The following SPACA1 variants were observed in gnomAD, a reference collection of about 807,000 sequenced individuals.
SPACA1 encodes the protein sperm acrosome membrane-associated protein 1.
Under a neutral mutation model 32.6 loss-of-function variants are expected in SPACA1, and 17 were observed. The ratio of observed to expected loss-of-function variants is 0.52; its 90% CI spans 0.36 to 0.78. The LOEUF is 0.78. Ranked by LOEUF, SPACA1 falls within the 30% of genes least tolerant of loss-of-function variation. The pLI is 0.01. For missense variants in SPACA1, 363 were observed against 373.4 expected, an observed-to-expected ratio of 0.97 and a Z score of 0.23; for synonymous variants, 140 against 138.1, an observed-to-expected ratio of 1.01 and a Z score of -0.10.
rs1477546444 is a variant in SPACA1 at position 88,047,867 on chromosome 6, C to T, written c.-39C>T. ...ACGTACCTGTCCTCAGGAGCCGCGG[C>T]GGCGACTGCGCCTCGGACGGCCGTC... On this transcript the variant is annotated 5_prime_UTR_variant, in exon 1 of 7. Transcript: ENST00000237201. 2.1e-5 allele frequency: 31 copies of T among 1,490,058 alleles called. No homozygotes were observed. The highest frequency in any genetic ancestry group is 2.7e-5 in the Non-Finnish European group (30 of 1,117,468). The allele number at this position is 1,490,058 out of a possible 1,614,324, so 92.3% of individuals were successfully genotyped here. A position where few individuals can be genotyped will look rare whatever the true frequency, so the allele number is the denominator to read the frequency against.
chr6:88,056,096 C>G (rs1775802783), intron 2 of SPACA1, among the ~76,000 whole-genome samples: 1 of 152,244 alleles, frequency 6.6e-6, no homozygotes, highest in South Asian at 2.1e-4. Flanking sequence ...TGGCTCATGC[C>G]TGTAATCCCA....
intron 4 of SPACA1, among the ~76,000 whole-genome samples, chr6:88,059,087 T>C (rs1775852655): frequency 6.6e-6 from 1 of 152,236 alleles, no homozygotes; most frequent in African/African-American, 2.4e-5. Flanking sequence ...AAGGTTTTCA[T>C]TGGCTTATAT....
rs190790878 is a variant in SPACA1, at chr6:88,063,802, T to A, written c.611-297T>A. Among the ~76,000 whole-genome samples the A allele has an allele frequency of 6.7e-3, 1,013 of 152,252 alleles. 5 individuals carry two copies. The highest frequency in any genetic ancestry group is 0.011 in the Non-Finnish European group (777 of 68,008). On this transcript the variant is annotated intron_variant, in intron 5 of 6. Coordinates refer to ENST00000237201, the MANE Select transcript of SPACA1 (RefSeq NM_030960.3). Reference sequence around the variant, plus strand: ...CTGACATTTGCAAATTATATTGAAATGCATAAAAATAAGATGGATTAATGA... The same window carrying A: ...CTGACATTTGCAAATTATATTGAAAAGCATAAAAATAAGATGGATTAATGA...
chr6:88,058,885 C>T lies in SPACA1; in HGVS notation c.474+63C>T, dbSNP rs1450876117. The stretch of plus-strand genomic sequence containing the variant: ...GAGTGATAAAATTTGTTTCTCAGTT[C>T]TGATGGCTTTCAGAAAACTTTCTTT... On this transcript the variant is annotated intron_variant, in intron 4 of 6. Coordinates refer to ENST00000237201, the MANE Select transcript of SPACA1 (RefSeq NM_030960.3). 3.6e-6 allele frequency: 4 copies of T among 1,096,618 alleles called. No homozygotes were observed. The Admixed American group carries it at 9.9e-5, about 27-fold the overall frequency. 67.9% of individuals were successfully genotyped at this position (1,096,618 alleles called of 1,614,324 possible). A position where few individuals can be genotyped will look rare whatever the true frequency, so the allele number is the denominator to read the frequency against.
At chr6:88,062,943 A>G (rs903763065) in intron 5 of SPACA1, among the ~76,000 whole-genome samples, 2 of 152,218 alleles carry the variant, frequency 1.3e-5, no homozygotes, top group Non-Finnish European at 2.9e-5. Context: ...GACTATTTGC[A>G]TGATTCAGGA....
intron 6 of SPACA1, among the ~76,000 whole-genome samples, chr6:88,064,727 T>A (rs962929169): frequency 6.7e-6 from 1 of 149,816 alleles, no homozygotes; most frequent in African/African-American, 2.4e-5. Context: ...ATATATGTTT[T>A]ATATATATGT....
intron 1 of SPACA1, among the ~76,000 whole-genome samples, chr6:88,053,178 T>G (rs187319653): frequency 2.0e-5 from 3 of 152,358 alleles, no homozygotes; most frequent in Non-Finnish European, 4.4e-5. Context: ...CTCTTTGGAC[T>G]CCAGTTCGAT....
chr6:88,053,888 T>C (rs1775766607), intron 1 of SPACA1, 58 bp from the exon 2 acceptor site: 1 of 1,452,420 alleles, frequency 6.9e-7, no homozygotes, highest in African/African-American at 1.4e-5. Context: ...GTAAGAGGTG[T>C]TTCACTTAGA....
At chr6:88,055,022 C>T (rs1775785521) in intron 2 of SPACA1, among the ~76,000 whole-genome samples, 2 of 151,974 alleles carry the variant, frequency 1.3e-5, no homozygotes, top group African/African-American at 4.8e-5. Flanking sequence ...CTTTCTATCT[C>T]TTAAAATTGT....
intron 1 of SPACA1, among the ~76,000 whole-genome samples, chr6:88,050,049 T>C (rs1582266606): frequency 6.6e-6 from 1 of 152,226 alleles, no homozygotes; most frequent in African/African-American, 2.4e-5. Context: ...GAATGATTGG[T>C]CCAATGAATT....
intron 6 of SPACA1, among the ~76,000 whole-genome samples, chr6:88,065,580 T>C (rs1298429875): frequency 1.3e-5 from 2 of 150,728 alleles, no homozygotes; most frequent in Admixed American, 6.6e-5. Flanking sequence ...ATCATCACAA[T>C]GAATTGTCTG....
At chr6:88,053,139 T>C (rs1428997490) in intron 1 of SPACA1, among the ~76,000 whole-genome samples, 1 of 152,230 alleles carries the variant, frequency 6.6e-6, no homozygotes, top group Admixed American at 6.5e-5. Context: ...TTTGCTTAAA[T>C]GCAAACAGCT....
At chr6:88,056,293 G>A (rs1262259786) in intron 2 of SPACA1, among the ~76,000 whole-genome samples, 1 of 152,194 alleles carries the variant, frequency 6.6e-6, no homozygotes, top group Non-Finnish European at 1.5e-5. Context: ...GGCGGAGGTT[G>A]CAGTGAGCTG....
rs1304773424 is a variant in SPACA1 at position 88,062,681 on chromosome 6, G to T, written c.611-1418G>T. Reference sequence around the variant, plus strand: ...AGTGGTGCATGAGGTGGGTACAGTGGTGTGTGCCTATAATACTAGCTACTA... The same window carrying T: ...AGTGGTGCATGAGGTGGGTACAGTGTTGTGTGCCTATAATACTAGCTACTA... On this transcript the variant is annotated intron_variant, in intron 5 of 6. Transcript: ENST00000237201. Among the ~76,000 whole-genome samples, 4 of 152,246 alleles carry T rather than the reference G, an allele frequency of 2.6e-5. No homozygotes were observed. The East Asian group carries it at 5.8e-4, about 22-fold the overall frequency.
intron 6 of SPACA1, among the ~76,000 whole-genome samples, chr6:88,064,915 TAATA>T (rs1241674030): frequency 6.7e-6 from 1 of 148,208 alleles, no homozygotes; most frequent in Non-Finnish European, 1.5e-5. Context: ...ATGGGTTATA[TAATA>T]TATATGTAGA....
At chr6:88,063,010 T>G (rs1042097758) in intron 5 of SPACA1, among the ~76,000 whole-genome samples, 1 of 152,078 alleles carries the variant, frequency 6.6e-6, no homozygotes, top group African/African-American at 2.4e-5. Context: ...AAGGAAACAT[T>G]GAATAAATCA....
At chr6:88,051,098 GATTA>G (rs1353711494) in intron 1 of SPACA1, among the ~76,000 whole-genome samples, 3 of 151,428 alleles carry the variant, frequency 2.0e-5, no homozygotes, top group Non-Finnish European at 2.9e-5. Flanking sequence ...AGTGAGCCGA[GATTA>G]CGCCACTGCA....
At chr6:88,057,758 A>C in intron 3 of SPACA1, 45 bp downstream of exon 3, 1 of 1,539,372 alleles carries the variant, frequency 6.5e-7, no homozygotes, top group Non-Finnish European at 9.0e-7. Flanking sequence ...GCAAGAGTTT[A>C]CTCTGGGGAA....
At chr6:88,062,295 G>T (rs1775908932) in intron 5 of SPACA1, among the ~76,000 whole-genome samples, 1 of 152,154 alleles carries the variant, frequency 6.6e-6, no homozygotes, top group Non-Finnish European at 1.5e-5. Context: ...TCATATAGAA[G>T]ACTAGTTCTG....
Sources: allele counts gnomAD v4.1 joint callset (sites outside exome capture counted in the v4.1 genomes callset), GRCh38; gene constraint gnomAD v4.1.1; transcripts MANE v1.5; gene names NCBI Gene and HGNC (gene_info 2026-07-23, HGNC 2026-07-21).